PSMA8: variants seen among roughly 807,000 people sequenced by gnomAD.
PSMA8 encodes the protein proteasome 20S subunit alpha 8.
Under a neutral mutation model 32.4 loss-of-function variants are expected in PSMA8, and 18 were observed. The observed-to-expected ratio is 0.56, with a 90% CI of 0.38 to 0.82. PSMA8 has a LOEUF of 0.82. Among genes scored for constraint, PSMA8 ranks in the 40% least tolerant of loss-of-function variants. The pLI, the probability that PSMA8 is intolerant of heterozygous loss-of-function variation, is 0.00. For missense variants in PSMA8, 298 were observed against 300.7 expected, an observed-to-expected ratio of 0.99 and a Z score of 0.07; for synonymous variants, 104 against 98.1, an observed-to-expected ratio of 1.06 and a Z score of -0.36.
chr18:26,166,216 G>T (rs766843698), intron 4 of PSMA8, among the ~76,000 whole-genome samples: 1 of 152,170 alleles, frequency 6.6e-6, no homozygotes, highest in Admixed American at 6.6e-5. Context: ...ACGCTTAAAG[G>T]ATTTGGCCAA....
At chr18:26,180,985 C>T (rs116002132) in intron 6 of PSMA8, among the ~76,000 whole-genome samples, 1 of 152,202 alleles carries the variant, frequency 6.6e-6, no homozygotes, top group African/African-American at 2.4e-5. Flanking sequence ...ATCAAAGGGC[C>T]GTTGTGATAA....
Position 26,178,860 on chromosome 18 carries a change from G to C in PSMA8, c.508G>C (p.Val170Leu). The C allele has an allele frequency of 1.2e-6, 2 of 1,613,652 alleles. No homozygotes were observed. Among genetic ancestry groups the C allele is most frequent in the South Asian group, 2.2e-5 (2 of 90,968 alleles). The stretch of plus-strand genomic sequence containing the variant: ...TGCAATAGGCCGAAGTGCTAAAACT[G>C]TTCGAGAATTTCTAGAAAAGAATTA... ...ANAIGRSAKT[V>L]REFLEKNYTE... The change falls in exon 5 of 7, where the codon GTT becomes CTT. Residue 170 changes from valine to leucine, a missense_variant. Physicochemically the swap from Val to Leu is conservative, Grantham distance 32. Coordinates refer to ENST00000415576, the MANE Select transcript of PSMA8 (RefSeq NM_001025096.2).
intron 6 of PSMA8, among the ~76,000 whole-genome samples, chr18:26,189,133 A>G (rs2055381518): frequency 6.6e-6 from 1 of 152,194 alleles, no homozygotes; most frequent in South Asian, 2.1e-4. Flanking sequence ...GAGCTCAGAC[A>G]ACTCTATAAG....
At chr18:26,175,827 C>T (rs989942672) in intron 4 of PSMA8, among the ~76,000 whole-genome samples, 19 of 152,168 alleles carry the variant, frequency 1.2e-4, no homozygotes, top group African/African-American at 4.3e-4. Context: ...TAGTCTTTTT[C>T]CATGCTCTCA....
At chr18:26,143,066 A>G (rs1396284118) in intron 1 of PSMA8, among the ~76,000 whole-genome samples, 2 of 152,124 alleles carry the variant, frequency 1.3e-5, no homozygotes, top group South Asian at 4.1e-4. Context: ...AAGAATCCAC[A>G]TGGATTCCCG....
intron 4 of PSMA8, among the ~76,000 whole-genome samples, chr18:26,165,509 G>T (rs974398007): frequency 1.3e-5 from 2 of 152,088 alleles, no homozygotes; most frequent in Non-Finnish European, 2.9e-5. Flanking sequence ...AAGAAATTTG[G>T]CTATAAACAG....
chr18:26,137,517 A>G (rs2054921872), intron 1 of PSMA8, among the ~76,000 whole-genome samples: 1 of 152,256 alleles, frequency 6.6e-6, no homozygotes, highest in Non-Finnish European at 1.5e-5. Flanking sequence ...GTAATAATGC[A>G]TGTGAAGCAT....
intron 4 of PSMA8, among the ~76,000 whole-genome samples, chr18:26,165,775 G>T (rs558319019): frequency 6.6e-6 from 1 of 152,198 alleles, no homozygotes; most frequent in East Asian, 1.9e-4. Context: ...CATTTGACCT[G>T]CCAGATTTGC....
chr18:26,139,444 C>A (rs986857646), intron 1 of PSMA8, among the ~76,000 whole-genome samples: 1 of 152,178 alleles, frequency 6.6e-6, no homozygotes, highest in African/African-American at 2.4e-5. Flanking sequence ...TTATGAGAGA[C>A]CCTGAGCCAG....
intron 1 of PSMA8, among the ~76,000 whole-genome samples, chr18:26,143,273 C>T (rs2054974174): frequency 6.6e-6 from 1 of 152,080 alleles, no homozygotes; most frequent in South Asian, 2.1e-4. Flanking sequence ...CTCCAACATC[C>T]CAAAGATGTG....
chr18:26,167,466 C>T (rs1480039722), intron 4 of PSMA8, among the ~76,000 whole-genome samples: 2 of 152,094 alleles, frequency 1.3e-5, no homozygotes, highest in Admixed American at 6.5e-5. Context: ...TTCATAAAAA[C>T]ATGTTTATAT....
rs2055414986 is a variant in PSMA8 at position 26,192,824 on chromosome 18, A to T, written c.*413A>T. The stretch of plus-strand genomic sequence containing the variant: ...TAAACTAAATATAATATTGAGCTGC[A>T]TTTCTCAAAGAATGACAAAAGCATC... On this transcript the variant is annotated 3_prime_UTR_variant, in exon 7 of 7. Transcript: ENST00000415576. 6.6e-6 allele frequency: 1 copy of T among 152,260 alleles called. No homozygotes were observed. The highest frequency in any genetic ancestry group is 1.5e-5 in the Non-Finnish European group (1 of 68,088). The allele number at this position is 152,260 out of a possible 1,614,324, so 9.4% of individuals were successfully genotyped here. A position where few individuals can be genotyped will look rare whatever the true frequency, so the allele number is the denominator to read the frequency against.
At chr18:26,189,705 A>G (rs1396470976) in intron 6 of PSMA8, among the ~76,000 whole-genome samples, 15 of 152,228 alleles carry the variant, frequency 9.9e-5, no homozygotes, top group Admixed American at 9.8e-4. Context: ...GGGAATGTAA[A>G]TTAGTACAAC....
At chr18:26,187,738 T>C (rs1040874716) in intron 6 of PSMA8, among the ~76,000 whole-genome samples, 3 of 152,026 alleles carry the variant, frequency 2.0e-5, no homozygotes, top group African/African-American at 4.8e-5. Context: ...GATATAACAG[T>C]CTTAAATATA....
At position 26,158,369 on chromosome 18, in the gene PSMA8, A is replaced by C. The variant is rs189801186; in HGVS notation, c.477+125A>C. 44 of 777,186 alleles carry C rather than the reference A, an allele frequency of 5.7e-5. No individual in the cohort carries two copies. In the African/African-American group the frequency reaches 7.3e-4, roughly 13 times the overall value. The allele number at this position is 777,186 out of a possible 1,614,324, so 48.1% of individuals were successfully genotyped here. Reference sequence around the variant, plus strand: ...ATATTGATATTGGTAAAATGTAACTATTCAGCTCGTCAGAAACTACAATGA... The same window carrying C: ...ATATTGATATTGGTAAAATGTAACTCTTCAGCTCGTCAGAAACTACAATGA... On this transcript the variant is annotated intron_variant, in intron 4 of 6. Transcript: ENST00000415576.
intron 4 of PSMA8, among the ~76,000 whole-genome samples, chr18:26,166,741 A>G (rs1343449535): frequency 1.3e-5 from 2 of 152,234 alleles, no homozygotes; most frequent in African/African-American, 4.8e-5. Context: ...TTGGCAGGAC[A>G]TATTCTCAAG....
chr18:26,192,334 G>A lies in PSMA8; in HGVS notation c.676G>A (p.Glu226Lys). The part of the protein sequence containing the change: ...NQPLKMFSAK[E>K]VELYVTEIEK... Reference sequence around the variant, plus strand: ...CTCTTTTCAGATGTTTAGTGCAAAAGAAGTTGAATTATATGTAACTGAAAT... The same window carrying A: ...CTCTTTTCAGATGTTTAGTGCAAAAAAAGTTGAATTATATGTAACTGAAAT... Residue 226 changes from glutamate to lysine, a missense_variant, in exon 7 of 7, where the codon GAA becomes AAA. Physicochemically the swap from Glu to Lys is moderately conservative, Grantham distance 56. Coordinates refer to ENST00000415576, the MANE Select transcript of PSMA8 (RefSeq NM_001025096.2). 6.6e-7 allele frequency: 1 copy of A among 1,512,540 alleles called. No homozygotes were observed. The highest frequency in any genetic ancestry group is 1.4e-5 in the South Asian group (1 of 71,702). 93.7% of individuals were successfully genotyped at this position (1,512,540 alleles called of 1,614,324 possible).
chr18:26,192,200 C>T, intron 6 of PSMA8, 119 bp from the exon 7 acceptor site: 1 of 919,398 alleles, frequency 1.1e-6, no homozygotes, highest in South Asian at 3.2e-5. Flanking sequence ...TTTGAAGTTA[C>T]AAAATATAAA....
chr18:26,138,065 A>G (rs1355641306), intron 1 of PSMA8, among the ~76,000 whole-genome samples: 3 of 152,252 alleles, frequency 2.0e-5, no homozygotes, highest in Non-Finnish European at 4.4e-5. Context: ...ATGAAGCTAG[A>G]AACTGGTGCC....
Sources: gnomAD v4.1 joint callset for allele counts (sites outside exome capture counted in the v4.1 genomes callset) on GRCh38, gnomAD v4.1.1 for gene constraint, MANE v1.5 for transcripts, NCBI Gene and HGNC (gene_info 2026-07-23, HGNC 2026-07-21) for gene names.